Variants in MPDZ observed in about 807,000 individuals in gnomAD.
The protein encoded by MPDZ is multiple PDZ domain protein.
In MPDZ, 234 loss-of-function variants were observed where a neutral mutation model predicts 239.1. The ratio of observed to expected loss-of-function variants is 0.98; its 90% confidence interval spans 0.88 to 1.09. The LOEUF is 1.09. MPDZ is among the 50% of genes least tolerant of loss of function. MPDZ has a pLI of 0.00. For missense variants in MPDZ, 3,175 were observed against 2,510.0 expected, an observed-to-expected ratio of 1.26 and a Z score of -5.66; for synonymous variants, 1,048 against 881.3, an observed-to-expected ratio of 1.19 and a Z score of -3.35.
At chr9:13,267,782 T>A (rs1458537553) in intron 1 of MPDZ, among the ~76,000 whole-genome samples, 1 of 152,136 alleles carries the variant, frequency 6.6e-6, no homozygotes, top group South Asian at 2.1e-4. Context: ...CTGAGATGAT[T>A]TGGAAAACTC....
At chr9:13,189,060 T>A in intron 16 of MPDZ, 67 bp from the exon 17 acceptor site, 1 of 1,380,572 alleles carries the variant, frequency 7.2e-7, no homozygotes, top group Middle Eastern at 1.9e-4. Context: ...GGTCGTCCAC[T>A]CTAAATCGTA....
Position 13,108,930 on chromosome 9 carries a change from G to A in MPDZ, c.6066+6C>T. 6.2e-7 allele frequency: 1 copy of A among 1,609,720 alleles called. No homozygotes were observed. The highest frequency in any genetic ancestry group is 8.5e-7 in the Non-Finnish European group (1 of 1,177,494). On this transcript the variant is annotated splice_donor_region_variant and intron_variant, in intron 46 of 46. Coordinates refer to ENST00000319217, the MANE Select transcript of MPDZ (RefSeq NM_001378778.1). ...AAAAGAGGGTGGTTAAAATTTGCAA[G>A]CTTACCTTTGCAAACACTGTTTTAA... is the stretch of plus-strand genomic sequence containing the variant.
intron 25 of MPDZ, among the ~76,000 whole-genome samples, chr9:13,149,905 G>A (rs1238024728): frequency 4.0e-5 from 6 of 151,694 alleles, no homozygotes; most frequent in African/African-American, 9.7e-5. Flanking sequence ...TCCTGGCTTC[G>A]ACTGAGAAGG....
chr9:13,118,307 T>C (rs1943809458), intron 39 of MPDZ, among the ~76,000 whole-genome samples: 1 of 152,262 alleles, frequency 6.6e-6, no homozygotes, highest in Non-Finnish European at 1.5e-5. Context: ...AATTACATTA[T>C]GTTTTAAAGA....
intron 1 of MPDZ, among the ~76,000 whole-genome samples, chr9:13,271,140 CT>C (rs1196816455): frequency 1.3e-5 from 2 of 152,106 alleles, no homozygotes; most frequent in East Asian, 1.9e-4. Flanking sequence ...ATTTTTAAAT[CT>C]TTTTTACAAT....
chr9:13,267,631 T>A (rs1212874388), intron 1 of MPDZ, among the ~76,000 whole-genome samples: 1 of 152,092 alleles, frequency 6.6e-6, no homozygotes, highest in Non-Finnish European at 1.5e-5. Context: ...GTAATGACAC[T>A]TAAAAGTATC....
chr9:13,167,167 T>C (rs1231224947), intron 22 of MPDZ, among the ~76,000 whole-genome samples: 2 of 152,126 alleles, frequency 1.3e-5, no homozygotes, highest in Non-Finnish European at 2.9e-5. Flanking sequence ...CATGGAACAC[T>C]GGCCATAAGC....
chr9:13,246,712 T>A (rs1966670566), intron 3 of MPDZ, among the ~76,000 whole-genome samples: 1 of 152,222 alleles, frequency 6.6e-6, no homozygotes, highest in South Asian at 2.1e-4. Context: ...TTGGGTTTTT[T>A]TTAACTGGAG....
At chr9:13,216,709 A>G (rs1958392261) in intron 10 of MPDZ, 65 bp downstream of exon 10, 7 of 1,239,618 alleles carry the variant, frequency 5.6e-6, no homozygotes, top group Non-Finnish European at 8.0e-6. Flanking sequence ...AAAACTAAGT[A>G]AACTAGGAGA....
chr9:13,110,494 CTTAAT>C (rs1408067428), intron 44 of MPDZ, 137 bp downstream of exon 44: 21 of 675,986 alleles, frequency 3.1e-5, no homozygotes, highest in South Asian at 2.1e-4. Context: ...TATTGGAACT[CTTAAT>C]TTAATCATTT....
intron 33 of MPDZ, 30 bp downstream of exon 33, chr9:13,126,650 C>T (rs765725669): frequency 1.2e-6 from 2 of 1,612,400 alleles, no homozygotes; most frequent in South Asian, 2.2e-5. Context: ...TCCCCAACTA[C>T]TTAATGACAG....
At chr9:13,256,774 ATAT>A (rs1969541739) in intron 1 of MPDZ, among the ~76,000 whole-genome samples, 1 of 152,222 alleles carries the variant, frequency 6.6e-6, no homozygotes, top group African/African-American at 2.4e-5. Flanking sequence ...AGGGCATGAA[ATAT>A]TATAAGAATT....
At chr9:13,121,121 C>T (rs1170669895) in intron 38 of MPDZ, among the ~76,000 whole-genome samples, 1 of 152,164 alleles carries the variant, frequency 6.6e-6, no homozygotes. Flanking sequence ...TTTGCGCATT[C>T]ACTATTCCAT....
At position 13,217,184 on chromosome 9, in the gene MPDZ, T is replaced by C. The variant is rs767284244; in HGVS notation, c.1197A>G (p.Lys399=). The change falls in exon 9 of 47, where the codon AAA becomes AAG. Residue 399 remains lysine (K), a synonymous_variant. Transcript: ENST00000319217. ...ITIAGYIGDK[K]LEPSGIFVKS... ...ATACTTAATGTTTAAAATTACCCAA[T>C]TTTTTATCTCCAATGTAGCCAGCAA... The C allele has an allele frequency of 1.2e-4, 193 of 1,573,320 alleles. No individual in the cohort carries two copies. Among genetic ancestry groups the C allele is most frequent in the Non-Finnish European group, 1.6e-4 (189 of 1,156,210 alleles).
intron 22 of MPDZ, among the ~76,000 whole-genome samples, chr9:13,164,073 T>C (rs989438729): frequency 6.6e-6 from 1 of 152,138 alleles, no homozygotes; most frequent in Non-Finnish European, 1.5e-5. Flanking sequence ...ACAATCCAAA[T>C]AGAAGTGAGT....
At position 13,140,165 on chromosome 9, in the gene MPDZ, G is replaced by GA; in HGVS notation, c.3841-17dup. 1 of 1,611,932 alleles carries GA rather than the reference G, an allele frequency of 6.2e-7. No homozygotes were observed. Among genetic ancestry groups the GA allele is most frequent in the Non-Finnish European group, 8.5e-7 (1 of 1,178,706 alleles). ...GACTGGGTGCCTGTGGGAACAAAAA[G>GA]AATGCAGTGGGTTTGTACAGTCTAA... On this transcript the variant is annotated splice_polypyrimidine_tract_variant and intron_variant, in intron 27 of 46. Transcript: ENST00000319217.
In MPDZ at chr9:13,168,404, A is replaced by G. The variant is rs1460001155; in HGVS notation, c.3216T>C (p.Ala1072=). Residue 1072 remains alanine (A), a synonymous_variant, in exon 22 of 47, where the codon GCT becomes GCC. Transcript: ENST00000319217. ...TISVTNAQAR[A]MLRRHSLIGP... ...CAATGAGAGAATGTCTTCTCAACAT[A>G]GCTCGTGCCTGGGCATTGGTTACAC... 1 of 1,613,510 alleles carries G rather than the reference A, an allele frequency of 6.2e-7. No homozygotes were observed. Among genetic ancestry groups the G allele is most frequent in the East Asian group, 2.2e-5 (1 of 44,848 alleles).
chr9:13,146,966 C>A (rs1467745954), intron 26 of MPDZ, among the ~76,000 whole-genome samples: 1 of 151,906 alleles, frequency 6.6e-6, no homozygotes, highest in East Asian at 1.9e-4. Flanking sequence ...AGGTTTCTGT[C>A]CACCAACAGC....
intron 19 of MPDZ, among the ~76,000 whole-genome samples, chr9:13,179,425 G>A (rs951616504): frequency 9.2e-5 from 14 of 152,128 alleles, no homozygotes; most frequent in African/African-American, 3.4e-4. Flanking sequence ...GGGGTGTACT[G>A]TAAATGGTAT....
Sources: gnomAD v4.1 joint callset for allele counts (sites outside exome capture counted in the v4.1 genomes callset) on GRCh38, gnomAD v4.1.1 for gene constraint, MANE v1.5 for transcripts, NCBI Gene and HGNC (gene_info 2026-07-23, HGNC 2026-07-21) for gene names.